Variants in ARHGEF26 observed in about 807,000 individuals in gnomAD.
ARHGEF26 encodes the protein Rho guanine nucleotide exchange factor (GEF) 26.
A neutral mutation model predicts 89.4 loss-of-function variants in ARHGEF26; 59 were observed. The observed-to-expected ratio is 0.66, with a 90% CI of 0.54 to 0.82. The LOEUF (loss-of-function observed/expected upper bound fraction) is 0.82, where lower values mean the gene tolerates loss of function less well. Among genes scored for constraint, ARHGEF26 ranks in the 40% least tolerant of loss-of-function variants. The pLI is 0.00. For missense variants in ARHGEF26, 1,234 were observed against 1,085.6 expected (o/e 1.14, Z -1.92); for synonymous variants, 500 against 428.4 (o/e 1.17, Z -2.06).
chr3:154,215,915 A>G (rs1410440896), intron 9 of ARHGEF26, among the ~76,000 whole-genome samples: 1 of 152,210 alleles, frequency 6.6e-6, no homozygotes, highest in African/African-American at 2.4e-5. Flanking sequence ...AATAATTGAT[A>G]AGTGAAAAAA....
At position 154,246,133 on chromosome 3, in the gene ARHGEF26, T is replaced by C. The variant is rs6790725; in HGVS notation, c.2300+5554T>C. Reference sequence around the variant, plus strand: ...AGTGCTAATTGGGGGGTGGTGAGGATAGGTACTCTAACTTAGGTGGTGCAG... The same window carrying C: ...AGTGCTAATTGGGGGGTGGTGAGGACAGGTACTCTAACTTAGGTGGTGCAG... On this transcript the variant is annotated intron_variant, in intron 12 of 14. Coordinates refer to ENST00000465093, the MANE Select transcript of ARHGEF26 (RefSeq NM_015595.4). 8.2e-4 allele frequency among the ~76,000 whole-genome samples: 125 copies of C among 152,254 alleles called. 1 individual carries two copies. The highest frequency in any genetic ancestry group is 2.2e-3 in the African/African-American group (90 of 41,564).
At chr3:154,160,545 A>G (rs1711593319) in intron 6 of ARHGEF26, among the ~76,000 whole-genome samples, 4 of 152,118 alleles carry the variant, frequency 2.6e-5, no homozygotes, top group Admixed American at 2.6e-4. Flanking sequence ...CAGCTACAAT[A>G]TTTTGGAACC....
At chr3:154,238,509 C>G (rs1029253302) in intron 11 of ARHGEF26, among the ~76,000 whole-genome samples, 1 of 152,080 alleles carries the variant, frequency 6.6e-6, no homozygotes, top group African/African-American at 2.4e-5. Flanking sequence ...AGGTAGATGT[C>G]CATTCTGAGG....
chr3:154,157,129 T>A (rs1559867420), intron 6 of ARHGEF26, among the ~76,000 whole-genome samples: 1 of 151,998 alleles, frequency 6.6e-6, no homozygotes, highest in Non-Finnish European at 1.5e-5. Context: ...TGTACGTATG[T>A]ATCAGTAGTA....
At chr3:154,225,117 G>A (rs896597129) in intron 10 of ARHGEF26, among the ~76,000 whole-genome samples, 4 of 151,926 alleles carry the variant, frequency 2.6e-5, no homozygotes, top group African/African-American at 9.7e-5. Context: ...TTTCCAGTTG[G>A]CTTGTACAAG....
At chr3:154,250,464 A>G (rs966823127) in intron 12 of ARHGEF26, among the ~76,000 whole-genome samples, 3 of 152,254 alleles carry the variant, frequency 2.0e-5, no homozygotes, top group East Asian at 1.9e-4. Flanking sequence ...GTCTTGTTCT[A>G]TCCTCTGGAG....
intron 9 of ARHGEF26, among the ~76,000 whole-genome samples, chr3:154,212,853 GC>G (rs925191289): frequency 1.3e-5 from 2 of 151,974 alleles, no homozygotes; most frequent in African/African-American, 2.4e-5. Context: ...CCAATCCATG[GC>G]CCTGGGGGTG....
chr3:154,213,259 T>C (rs1053494283), intron 9 of ARHGEF26, among the ~76,000 whole-genome samples: 3 of 126,562 alleles, frequency 2.4e-5, no homozygotes, highest in Admixed American at 7.8e-5. Flanking sequence ...ATATATATGC[T>C]TTTGTTCCAG....
chr3:154,252,969 T>A (rs1474438660), intron 12 of ARHGEF26, 147 bp from the exon 13 acceptor site: 2 of 791,038 alleles, frequency 2.5e-6, no homozygotes, highest in East Asian at 5.5e-5. Context: ...AGCTTATCAC[T>A]TTTAAACTAC....
At chr3:154,183,344 G>A (rs1713299705) in intron 6 of ARHGEF26, among the ~76,000 whole-genome samples, 1 of 152,122 alleles carries the variant, frequency 6.6e-6, no homozygotes, top group South Asian at 2.1e-4. Context: ...TATAAAACAT[G>A]AACATCTTGG....
In ARHGEF26 at chr3:154,191,154, T is replaced by G; in HGVS notation, c.1641-135T>G. On this transcript the variant is annotated intron_variant, in intron 7 of 14. Coordinates refer to ENST00000465093, the MANE Select transcript of ARHGEF26 (RefSeq NM_015595.4). ...CGTATTTGCCAGTGTAATTATGTGC[T>G]TATGATATTTTCATACAGTTTAAAA... The G allele has an allele frequency of 4.2e-6, 4 of 944,604 alleles. No individual in the cohort carries two copies. The South Asian group carries it at 8.2e-5, about 19-fold the overall frequency. 58.5% of individuals were successfully genotyped at this position (944,604 alleles called of 1,614,324 possible). A position where few individuals can be genotyped will look rare whatever the true frequency, so the allele number is the denominator to read the frequency against.
At chr3:154,149,888 A>G (rs979861359) in intron 5 of ARHGEF26, among the ~76,000 whole-genome samples, 1 of 151,830 alleles carries the variant, frequency 6.6e-6, no homozygotes, top group Non-Finnish European at 1.5e-5. Flanking sequence ...AGTTTTCTAT[A>G]AATTTAAAAT....
At position 154,217,850 on chromosome 3, in the gene ARHGEF26, T is replaced by G; in HGVS notation, c.1846-19T>G. On this transcript the variant is annotated intron_variant, in intron 9 of 14. Coordinates refer to ENST00000465093, the MANE Select transcript of ARHGEF26 (RefSeq NM_015595.4). ...TCTCTCCTTGACCTTTAACCCTCGT[T>G]ACTCTTCTGTGTTCCCAGTTGGTTC... The G allele has an allele frequency of 6.3e-7, 1 of 1,575,884 alleles. No individual in the cohort carries two copies. Among genetic ancestry groups the G allele is most frequent in the South Asian group, 1.2e-5 (1 of 85,868 alleles).
intron 11 of ARHGEF26, among the ~76,000 whole-genome samples, chr3:154,226,338 C>A (rs551252753): frequency 1.4e-4 from 21 of 152,166 alleles, no homozygotes; most frequent in African/African-American, 5.1e-4. Flanking sequence ...CTCCTTCTAC[C>A]ATAAAATTTT....
chr3:154,172,472 A>C (rs1177089215), intron 6 of ARHGEF26, among the ~76,000 whole-genome samples: 1 of 152,214 alleles, frequency 6.6e-6, no homozygotes, highest in Non-Finnish European at 1.5e-5. Flanking sequence ...AGGCAGGTGG[A>C]TTGCTTGAGG....
intron 6 of ARHGEF26, among the ~76,000 whole-genome samples, chr3:154,160,965 G>T (rs762122196): frequency 6.6e-6 from 1 of 152,112 alleles, no homozygotes; most frequent in Non-Finnish European, 1.5e-5. Flanking sequence ...CAGCAGGGCA[G>T]CATTGGTGAA....
At chr3:154,198,884 T>G (rs1340076985) in intron 9 of ARHGEF26, among the ~76,000 whole-genome samples, 1 of 152,116 alleles carries the variant, frequency 6.6e-6, no homozygotes, top group African/African-American at 2.4e-5. Context: ...AATAAATTTT[T>G]TTATAGATAA....
intron 9 of ARHGEF26, among the ~76,000 whole-genome samples, chr3:154,205,982 T>C (rs1714994173): frequency 1.3e-5 from 2 of 152,098 alleles, no homozygotes; most frequent in African/African-American, 4.8e-5. Context: ...TAACAGTGAG[T>C]TTTGTACCTT....
intron 7 of ARHGEF26, among the ~76,000 whole-genome samples, chr3:154,190,700 A>G (rs2108185605): frequency 6.6e-6 from 1 of 152,346 alleles, no homozygotes; most frequent in African/African-American, 2.4e-5. Context: ...GCTAAGTTTC[A>G]TTAAAATGTT....
Sources: allele counts gnomAD v4.1 joint callset (sites outside exome capture counted in the v4.1 genomes callset), GRCh38; gene constraint gnomAD v4.1.1; transcripts MANE v1.5; gene names NCBI Gene and HGNC (gene_info 2026-07-23, HGNC 2026-07-21).